The following GLDN variants were observed in gnomAD, a reference collection of about 807,000 sequenced individuals.
GLDN encodes collomin.
GLDN carries 47 observed loss-of-function variants against 56.5 expected under a neutral mutation model. The observed-to-expected ratio is 0.83, with a 90% confidence interval of 0.66 to 1.06. The LOEUF is 1.06. Ranked by LOEUF, GLDN falls within the 50% of genes least tolerant of loss-of-function variation. The probability of loss-of-function intolerance (pLI) is 0.00; values close to 1 mark genes in which losing one functional copy is unlikely to be tolerated. For missense variants in GLDN, 782 were observed against 714.3 expected (o/e 1.09, Z -1.08); for synonymous variants, 332 against 278.8 (o/e 1.19, Z -1.90).
rs2036890830 is a variant in GLDN, at chr15:51,341,919, G to T, written c.235G>T (p.Ala79Ser). Residue 79 changes from alanine to serine, a missense_variant, in exon 1 of 10, where the codon GCG becomes TCG. By Grantham distance (99) the Ala-to-Ser change is moderately conservative. Coordinates refer to ENST00000335449, the MANE Select transcript of GLDN (RefSeq NM_181789.4). Reference sequence around the variant, plus strand: ...CGAGTTGAGCCGCGCGCCGCGCGGGGCGTCCGCACCACCCCAAGACCCGGC... The same window carrying T: ...CGAGTTGAGCCGCGCGCCGCGCGGGTCGTCCGCACCACCCCAAGACCCGGC... ...LAELSRAPRG[A>S]SAPPQDPASS... 6.3e-7 allele frequency: 1 copy of T among 1,594,656 alleles called. No individual in the cohort carries two copies. The highest frequency in any genetic ancestry group is 1.3e-5 in the African/African-American group (1 of 74,664).
chr15:51,412,049 T>A (rs924334532), downstream of GLDN, among the ~76,000 whole-genome samples: 1 of 152,234 alleles, frequency 6.6e-6, no homozygotes, highest in African/African-American at 2.4e-5. Context: ...TTGTTCATGT[T>A]ATTGAGTGCT....
At chr15:51,371,009 T>TAA (rs397723118) in intron 1 of GLDN, among the ~76,000 whole-genome samples, 1 of 146,418 alleles carries the variant, frequency 6.8e-6, no homozygotes, top group East Asian at 2.0e-4. Context: ...AATAAAAAAT[T>TAA]AAAAAAAAAA....
intron 1 of GLDN, among the ~76,000 whole-genome samples, chr15:51,366,225 T>G (rs1355354891): frequency 6.6e-6 from 1 of 152,164 alleles, no homozygotes; most frequent in East Asian, 1.9e-4. Flanking sequence ...GGAGGCCACC[T>G]TTGGGAGTGG....
chr15:51,375,688 G>T (rs1365734977), intron 1 of GLDN, among the ~76,000 whole-genome samples: 2 of 152,214 alleles, frequency 1.3e-5, no homozygotes, highest in East Asian at 1.9e-4. Context: ...TCATCCAGTG[G>T]GGAGTGTCCA....
At chr15:51,411,902 T>C (rs773688155), downstream of GLDN, among the ~76,000 whole-genome samples, 1 of 152,212 alleles carries the variant, frequency 6.6e-6, no homozygotes, top group Non-Finnish European at 1.5e-5. Flanking sequence ...ATTAAGAACA[T>C]TGTTTTGGCC....
At chr15:51,347,879 A>G (rs984157965) in intron 1 of GLDN, among the ~76,000 whole-genome samples, 3 of 152,232 alleles carry the variant, frequency 2.0e-5, no homozygotes, top group African/African-American at 4.8e-5. Flanking sequence ...GAAATTCTCT[A>G]TATAATAAGA....
At chr15:51,348,129 T>TA (rs2037010512) in intron 1 of GLDN, among the ~76,000 whole-genome samples, 1 of 152,088 alleles carries the variant, frequency 6.6e-6, no homozygotes, top group Admixed American at 6.5e-5. Context: ...AAGGGCCTTG[T>TA]ACCCCAGGTA....
At chr15:51,387,589 G>A (rs1443518313) in intron 4 of GLDN, among the ~76,000 whole-genome samples, 3 of 152,248 alleles carry the variant, frequency 2.0e-5, no homozygotes, top group Middle Eastern at 3.4e-3. Context: ...ACGTGGGTAC[G>A]CAACCTTCCA....
chr15:51,400,265 C>A lies in GLDN; in HGVS notation c.891C>A (p.Ser297=). The A allele has an allele frequency of 6.2e-7, 1 of 1,614,122 alleles. No homozygotes were observed. Among genetic ancestry groups the A allele is most frequent in the African/African-American group, 1.3e-5 (1 of 75,032 alleles). ...ATGAGAAAGCCAGTGAACACCATTCCCCACAAGCAGGTATAGAAACAAAGC... is the reference window on the plus strand; with the variant it reads ...ATGAGAAAGCCAGTGAACACCATTCACCACAAGCAGGTATAGAAACAAAGC... The part of the protein sequence containing the change: ...KADEKASEHH[S]PQAESMITSI... Residue 297 remains serine (S), a synonymous_variant, in exon 7 of 10, where the codon TCC becomes TCA. Coordinates refer to ENST00000335449, the MANE Select transcript of GLDN (RefSeq NM_181789.4).
At chr15:51,412,262 A>G (rs1385567086), downstream of GLDN, among the ~76,000 whole-genome samples, 1 of 152,242 alleles carries the variant, frequency 6.6e-6, no homozygotes, top group Non-Finnish European at 1.5e-5. Context: ...TGCTTTTAGC[A>G]ACCACTCTTA....
Position 51,394,930 on chromosome 15 carries a change from A to G in GLDN, c.637A>G (p.Lys213Glu). The G allele has an allele frequency of 6.2e-7, 1 of 1,611,678 alleles. No individual in the cohort carries two copies. Residue 213 changes from lysine (K) to glutamate (E), a missense_variant, in exon 5 of 10, where the codon AAG becomes GAG. Coordinates refer to ENST00000335449, the MANE Select transcript of GLDN (RefSeq NM_181789.4). ...GGGAAATGAGGGCCCACCAGGGCAG[A>G]AGGGAGAAAAGGGTGACAAAGGAGA... ...LQGNEGPPGQ[K>E]GEKGDKGDVS...
intron 4 of GLDN, among the ~76,000 whole-genome samples, chr15:51,387,786 G>A (rs933044302): frequency 2.0e-5 from 3 of 152,132 alleles, no homozygotes; most frequent in African/African-American, 7.2e-5. Flanking sequence ...GACCCATTTA[G>A]GGTGGGGTGT....
chr15:51,375,125 C>CAATAT (rs952706771), intron 1 of GLDN, among the ~76,000 whole-genome samples: 31 of 152,110 alleles, frequency 2.0e-4, no homozygotes, highest in African/African-American at 7.5e-4. Context: ...AAAGTAAATA[C>CAATAT]AATATAAGTT....
intron 2 of GLDN, among the ~76,000 whole-genome samples, chr15:51,378,373 C>T (rs2470173): frequency 0.34 from 50,992 of 152,168 alleles, 12,504 homozygotes; most frequent in African/African-American, 0.67. Context: ...TGGTCCTTTA[C>T]TCTGAAACTC....
intron 4 of GLDN, among the ~76,000 whole-genome samples, chr15:51,386,468 A>G (rs562445265): frequency 6.6e-6 from 1 of 152,294 alleles, no homozygotes; most frequent in African/African-American, 2.4e-5. Flanking sequence ...CAGCACTTGC[A>G]GGAAAGGGAT....
chr15:51,358,698 T>C (rs2037233658), intron 1 of GLDN, among the ~76,000 whole-genome samples: 1 of 152,180 alleles, frequency 6.6e-6, no homozygotes, highest in South Asian at 2.1e-4. Context: ...TCCTTTCAGA[T>C]GGGAGACGTC....
At chr15:51,398,079 A>T (rs1398955835) in intron 6 of GLDN, among the ~76,000 whole-genome samples, 1 of 152,254 alleles carries the variant, frequency 6.6e-6, no homozygotes, top group Admixed American at 6.5e-5. Context: ...TATGATATTG[A>T]AATCATTATT....
In GLDN at chr15:51,394,069, C is replaced by T. The variant is rs142192283; in HGVS notation, c.542-766C>T. Among the ~76,000 whole-genome samples, 10 of 152,330 alleles carry T rather than the reference C, an allele frequency of 6.6e-5. No homozygotes were observed. In the East Asian group the frequency reaches 1.9e-3, roughly 29 times the overall value. On this transcript the variant is annotated intron_variant, in intron 4 of 9. Coordinates refer to ENST00000335449, the MANE Select transcript of GLDN (RefSeq NM_181789.4). ...CAGCATCTGTTATAACCACTGTAGG[C>T]CTTAGTTTCAATATCTATAAAATGA...
intron 3 of GLDN, 67 bp from the exon 4 acceptor site, chr15:51,383,718 A>G (rs567562308): frequency 2.5e-6 from 3 of 1,209,980 alleles, no homozygotes; most frequent in South Asian, 2.9e-5. Context: ...AGGAAATGAC[A>G]GTAACTTCAG....
Sources: allele counts gnomAD v4.1 joint callset (sites outside exome capture counted in the v4.1 genomes callset), GRCh38; gene constraint gnomAD v4.1.1; transcripts MANE v1.5; gene names NCBI Gene and HGNC (gene_info 2026-07-23, HGNC 2026-07-21).